Variants in HACD4 observed in about 807,000 individuals in gnomAD.
HACD4 encodes 3-hydroxyacyl-CoA dehydratase 4.
Under a neutral mutation model 33.3 loss-of-function variants are expected in HACD4, and 35 were observed. That is an observed-to-expected ratio of 1.05 (90% CI 0.80 to 1.39). HACD4 has a LOEUF of 1.39. Among genes scored for constraint, HACD4 ranks in the 40% most tolerant of loss-of-function variants. The pLI is 0.00. For missense variants in HACD4, 323 were observed against 276.5 expected (o/e 1.17, Z -1.19); for synonymous variants, 118 against 98.0 (o/e 1.20, Z -1.21).
chr9:21,009,100 G>C (rs554397019), intron 5 of HACD4, among the ~76,000 whole-genome samples: 2 of 152,132 alleles, frequency 1.3e-5, no homozygotes, highest in East Asian at 3.9e-4. Flanking sequence ...CATAAGCTTT[G>C]TTTTTGTCTT....
chr9:21,031,181 G>C (rs1008316402), intron 1 of HACD4, among the ~76,000 whole-genome samples: 2 of 152,050 alleles, frequency 1.3e-5, no homozygotes, highest in African/African-American at 4.8e-5. Flanking sequence ...AAATCTATAC[G>C]TGTGATAGGT....
At chr9:21,021,439 G>T (rs1207943478) in intron 3 of HACD4, among the ~76,000 whole-genome samples, 1 of 152,158 alleles carries the variant, frequency 6.6e-6, no homozygotes, top group African/African-American at 2.4e-5. Context: ...AAGTCAAATT[G>T]TCTCTGTCTG....
intron 1 of HACD4, among the ~76,000 whole-genome samples, chr9:21,029,867 G>A (rs556119453): frequency 2.1e-4 from 32 of 152,216 alleles, no homozygotes; most frequent in Admixed American, 1.5e-3. Context: ...CTGATGCCGC[G>A]GCCCAGCATC....
chr9:21,002,373 G>C lies in HACD4; in HGVS notation c.*4664C>G, dbSNP rs1587819538. 2.0e-5 allele frequency: 3 copies of C among 152,230 alleles called. No individual in the cohort carries two copies. In the East Asian group the frequency reaches 5.8e-4, roughly 29 times the overall value. The allele number at this position is 152,230 out of a possible 1,614,324, so 9.4% of individuals were successfully genotyped here. On this transcript the variant is annotated 3_prime_UTR_variant, in exon 7 of 7. Coordinates refer to ENST00000495827, the MANE Select transcript of HACD4 (RefSeq NM_001010915.5). ...GACAGGAGTAAGTCCCTCCTTATCAGTCATCCTCAAAAAGGAAGAAAATTC... is the reference window on the plus strand; with the variant it reads ...GACAGGAGTAAGTCCCTCCTTATCACTCATCCTCAAAAAGGAAGAAAATTC...
Position 21,008,162 on chromosome 9 carries a change from G to A in HACD4, c.491-16C>T. The A allele has an allele frequency of 6.2e-7, 1 of 1,600,124 alleles. No homozygotes were observed. The highest frequency in any genetic ancestry group is 8.5e-7 in the Non-Finnish European group (1 of 1,174,020). ...ATGGCAAATGCTGTTAAAAAAGAAA[G>A]GCATCATAAAGGTATTCCTCCTTAA... On this transcript the variant is annotated splice_polypyrimidine_tract_variant and intron_variant, in intron 5 of 6. Coordinates refer to ENST00000495827, the MANE Select transcript of HACD4 (RefSeq NM_001010915.5).
At position 21,002,611 on chromosome 9, in the gene HACD4, G is replaced by A. The variant is rs1046273615; in HGVS notation, c.*4426C>T. On this transcript the variant is annotated 3_prime_UTR_variant, in exon 7 of 7. Transcript: ENST00000495827. ...GAGTATAGGGTATAAGTTTTGCAAG[G>A]TAAAAAAAGTTCTGGAGATGGACAG... 2.6e-5 allele frequency: 4 copies of A among 151,956 alleles called. No homozygotes were observed. Among genetic ancestry groups the A allele is most frequent in the Admixed American group, 2.6e-4 (4 of 15,242 alleles). 9.4% of individuals were successfully genotyped at this position (151,956 alleles called of 1,614,324 possible). A position where few individuals can be genotyped will look rare whatever the true frequency, so the allele number is the denominator to read the frequency against.
chr9:21,008,119 T>G lies in HACD4; in HGVS notation c.518A>C (p.Tyr173Ser). 1.2e-6 allele frequency: 2 copies of G among 1,609,088 alleles called. No individual in the cohort carries two copies. Among genetic ancestry groups the G allele is most frequent in the Non-Finnish European group, 1.7e-6 (2 of 1,177,828 alleles). ...EAFAIYQSLPYFESFGTYSTK... is the reference protein window; with the variant it reads ...EAFAIYQSLPSFESFGTYSTK... ...GGAATAAGTGCCAAATGATTCAAAA[T>G]AAGGCAGCGATTGATAGATGGCAAA... is the stretch of plus-strand genomic sequence containing the variant. Residue 173 changes from tyrosine to serine, a missense_variant, in exon 6 of 7, where the codon TAT (tyrosine) becomes TCT (serine). By Grantham distance (144) the Tyr-to-Ser change is moderately radical. Transcript: ENST00000495827.
intron 2 of HACD4, among the ~76,000 whole-genome samples, chr9:21,028,839 G>A (rs1317936179): frequency 6.6e-6 from 1 of 152,146 alleles, no homozygotes; most frequent in East Asian, 1.9e-4. Context: ...TTCTTAAAGG[G>A]ACCAAATAGA....
In HACD4 at chr9:20,999,628, T is replaced by C. The variant is rs984921596; in HGVS notation, c.*7409A>G. ...GAAAGAAAAAAACAAAACTTATGTG[T>C]CTTCTAAATATAAGGAACGCTTTGA... is the stretch of plus-strand genomic sequence containing the variant. On this transcript the variant is annotated 3_prime_UTR_variant, in exon 7 of 7. Transcript: ENST00000495827. 2 of 149,578 alleles carry C rather than the reference T, an allele frequency of 1.3e-5. No individual in the cohort carries two copies. The highest frequency in any genetic ancestry group is 4.9e-5 in the African/African-American group (2 of 40,538). 9.3% of individuals were successfully genotyped at this position (149,578 alleles called of 1,614,324 possible).
intron 5 of HACD4, among the ~76,000 whole-genome samples, chr9:21,011,161 G>C (rs1177450831): frequency 6.6e-6 from 1 of 152,168 alleles, no homozygotes; most frequent in Non-Finnish European, 1.5e-5. Context: ...TTAATCTCAA[G>C]GTAGAGTTAA....
Position 21,006,966 on chromosome 9 carries a change from C to A in HACD4, c.*71G>T, listed in dbSNP as rs1430888554. 13 of 883,084 alleles carry A rather than the reference C, an allele frequency of 1.5e-5. No individual in the cohort carries two copies. Among genetic ancestry groups the A allele is most frequent in the Non-Finnish European group, 2.5e-5 (13 of 516,418 alleles). The allele number at this position is 883,084 out of a possible 1,614,324, so 54.7% of individuals were successfully genotyped here. A position where few individuals can be genotyped will look rare whatever the true frequency, so the allele number is the denominator to read the frequency against. ...TACAAGGTATTTTTCCACCAGAATA[C>A]TTCCTGTGTTTTATTTACTGCACTG... On this transcript the variant is annotated 3_prime_UTR_variant, in exon 7 of 7. Coordinates refer to ENST00000495827, the MANE Select transcript of HACD4 (RefSeq NM_001010915.5). The surrounding 1 kb of genome is among the most constrained non-coding windows in gnomAD (Gnocchi z 4.6).
At position 21,030,093 on chromosome 9, in the gene HACD4, G is replaced by T. The variant is rs77331745; in HGVS notation, c.39-695C>A. On this transcript the variant is annotated intron_variant, in intron 1 of 6. Coordinates refer to ENST00000495827, the MANE Select transcript of HACD4 (RefSeq NM_001010915.5). ...TCTTTGATAAAGTTCTAACCTTGCT[G>T]CTCACCAAGGAATAAAAGAAACCAC... is the stretch of plus-strand genomic sequence containing the variant. Among the ~76,000 whole-genome samples the T allele has an allele frequency of 1.4e-3, 220 of 152,152 alleles. 4 individuals carry two copies. In the East Asian group the frequency reaches 0.022, roughly 15 times the overall value.
In HACD4 at chr9:21,021,951, G is replaced by A. The variant is rs58091667; in HGVS notation, c.270+4645C>T. ...ATCCTAAGCCAAAAGAACAAAGCTA[G>A]AGGCATCACGCTACCTGACTTCAAA... On this transcript the variant is annotated intron_variant, in intron 3 of 6. Transcript: ENST00000495827. Among the ~76,000 whole-genome samples, 462 of 152,200 alleles carry A rather than the reference G, an allele frequency of 3.0e-3. 4 individuals carry two copies. The highest frequency in any genetic ancestry group is 0.01 in the African/African-American group (423 of 41,524).
At chr9:21,019,399 T>C (rs1817845288) in intron 3 of HACD4, among the ~76,000 whole-genome samples, 2 of 152,080 alleles carry the variant, frequency 1.3e-5, no homozygotes, top group South Asian at 4.1e-4. Flanking sequence ...TGTTACATAG[T>C]AATTATTATA....
chr9:21,024,291 A>G (rs1389193850), intron 3 of HACD4, among the ~76,000 whole-genome samples: 1 of 152,260 alleles, frequency 6.6e-6, no homozygotes, highest in Admixed American at 6.5e-5. Context: ...AAAAATTGAT[A>G]ATATTCAGCT....
chr9:21,028,670 C>T (rs186592999), intron 2 of HACD4, among the ~76,000 whole-genome samples: 149 of 152,264 alleles, frequency 9.8e-4, no homozygotes, highest in African/African-American at 3.3e-3. Context: ...TACCCACGTG[C>T]GGATGGAACA....
chr9:21,011,275 T>G (rs1842423330), intron 5 of HACD4, among the ~76,000 whole-genome samples: 1 of 152,178 alleles, frequency 6.6e-6, no homozygotes, highest in Non-Finnish European at 1.5e-5. Context: ...TCATAGAATC[T>G]CTAAATGTTA....
chr9:21,016,245 T>C (rs1294270616), intron 3 of HACD4, among the ~76,000 whole-genome samples: 1 of 152,242 alleles, frequency 6.6e-6, no homozygotes, highest in African/African-American at 2.4e-5. Flanking sequence ...ATATATTTTA[T>C]GTGAATCAGG....
rs917960205 is a variant in HACD4, at chr9:21,003,195, C to G, written c.*3842G>C. The G allele has an allele frequency of 2.0e-5, 3 of 152,028 alleles. No homozygotes were observed. The highest frequency in any genetic ancestry group is 2.9e-5 in the Non-Finnish European group (2 of 67,988). The allele number at this position is 152,028 out of a possible 1,614,324, so 9.4% of individuals were successfully genotyped here. A position where few individuals can be genotyped will look rare whatever the true frequency, so the allele number is the denominator to read the frequency against. ...TTCTGTTTTAAAATAATTATAAATT[C>G]ACTTGTGTTTCTTTTGGTTTTCAAT... On this transcript the variant is annotated 3_prime_UTR_variant, in exon 7 of 7. Transcript: ENST00000495827.
Sources: gnomAD v4.1 joint callset for allele counts (sites outside exome capture counted in the v4.1 genomes callset) on GRCh38, gnomAD v4.1.1 for gene constraint, Gnocchi (gnomAD v3.1) non-coding constraint, MANE v1.5 for transcripts, NCBI Gene and HGNC (gene_info 2026-07-23, HGNC 2026-07-21) for gene names.